The following USH2A variants were observed in gnomAD, a reference collection of about 807,000 sequenced individuals.
USH2A encodes the protein usherin.
Under a neutral mutation model 538.9 loss-of-function variants are expected in USH2A, and 443 were observed. The ratio of observed to expected loss-of-function variants is 0.82; its 90% confidence interval spans 0.76 to 0.89. The LOEUF (loss-of-function observed/expected upper bound fraction) is 0.89, where lower values mean the gene tolerates loss of function less well. USH2A is among the 40% of genes least tolerant of loss of function. USH2A has a pLI of 0.00. For missense variants in USH2A, 6,633 were observed against 6,324.8 expected (o/e 1.05, Z -1.65); for synonymous variants, 2,413 against 2,273.5 (o/e 1.06, Z -1.75).
In USH2A at chr1:215,786,829, T is replaced by C; in HGVS notation, c.10228A>G (p.Thr3410Ala). 4 of 1,613,938 alleles carry C rather than the reference T, an allele frequency of 2.5e-6. No homozygotes were observed. The highest frequency in any genetic ancestry group is 3.4e-6 in the Non-Finnish European group (4 of 1,179,914). The part of the protein sequence containing the change: ...RILCPASMEA[T>A]EHCGRCDFNF... Reference sequence around the variant, plus strand: ...AAGTCACACCTGCCACAATGTTCTGTGGCTTCCATAGATGCTGGGCAGAGG... The same window carrying C: ...AAGTCACACCTGCCACAATGTTCTGCGGCTTCCATAGATGCTGGGCAGAGG... Residue 3410 changes from threonine (T) to alanine (A), a missense_variant, in exon 52 of 72, where the codon ACA (threonine) becomes GCA (alanine). Physicochemically the swap from Thr to Ala is moderately conservative, Grantham distance 58. Transcript: ENST00000307340.
At chr1:216,015,645 G>A (rs980802560) in intron 32 of USH2A, among the ~76,000 whole-genome samples, 1 of 152,164 alleles carries the variant, frequency 6.6e-6, no homozygotes, top group Non-Finnish European at 1.5e-5. Context: ...CAGTGTAAAA[G>A]CATTCCTATT....
intron 46 of USH2A, among the ~76,000 whole-genome samples, chr1:215,842,491 A>T (rs1293986229): frequency 1.3e-5 from 2 of 152,244 alleles, no homozygotes; most frequent in Non-Finnish European, 2.9e-5. Flanking sequence ...TCATTCTATT[A>T]TAAAGATACA....
Position 216,243,180 on chromosome 1 carries a change from A to G in USH2A, c.2809+3405T>C, listed in dbSNP as rs115052115. Among the ~76,000 whole-genome samples, 360 of 152,332 alleles carry G rather than the reference A, an allele frequency of 2.4e-3. 1 individual carries two copies. Among genetic ancestry groups the G allele is most frequent in the African/African-American group, 8.0e-3 (331 of 41,594 alleles). On this transcript the variant is annotated intron_variant, in intron 13 of 71. Coordinates refer to ENST00000307340, the MANE Select transcript of USH2A (RefSeq NM_206933.4). ...GAGTGACTAGAATAGCAGTGAGTCTATAAGGCAAAGCATGTAAGAAACAGT... is the reference window on the plus strand; with the variant it reads ...GAGTGACTAGAATAGCAGTGAGTCTGTAAGGCAAAGCATGTAAGAAACAGT...
intron 47 of USH2A, among the ~76,000 whole-genome samples, chr1:215,828,559 T>C (rs1293598261): frequency 6.6e-6 from 1 of 152,234 alleles, no homozygotes; most frequent in Admixed American, 6.5e-5. Context: ...GCAAAGTTTG[T>C]GTATAAGAAT....
intron 40 of USH2A, among the ~76,000 whole-genome samples, chr1:215,895,137 A>T (rs965543579): frequency 6.6e-6 from 1 of 152,140 alleles, no homozygotes; most frequent in Admixed American, 6.5e-5. Context: ...TGCAACTTTC[A>T]TATCTCTTTT....
intron 58 of USH2A, among the ~76,000 whole-genome samples, chr1:215,744,216 C>A (rs1195418334): frequency 1.3e-5 from 2 of 152,182 alleles, no homozygotes. Flanking sequence ...ATTCCCAGTG[C>A]ATTAATTATT....
At chr1:216,391,608 C>T (rs1392821826) in intron 3 of USH2A, among the ~76,000 whole-genome samples, 1 of 152,114 alleles carries the variant, frequency 6.6e-6, no homozygotes, top group Non-Finnish European at 1.5e-5. Context: ...CCTAGTACAT[C>T]TTAATAAATA....
At chr1:215,656,505 A>G (rs764100171) in intron 64 of USH2A, among the ~76,000 whole-genome samples, 30 of 152,364 alleles carry the variant, frequency 2.0e-4, no homozygotes, top group Non-Finnish European at 3.8e-4. Context: ...AAATTGTAAT[A>G]CAGGAGTAAC....
chr1:215,977,100 C>T (rs557349820), intron 35 of USH2A, among the ~76,000 whole-genome samples: 1 of 151,528 alleles, frequency 6.6e-6, no homozygotes, highest in Non-Finnish European at 1.5e-5. Flanking sequence ...TCTATGTACA[C>T]AAACTAGAAA....
intron 61 of USH2A, among the ~76,000 whole-genome samples, chr1:215,706,089 C>G (rs145384303): frequency 9.9e-5 from 15 of 152,140 alleles, no homozygotes; most frequent in Non-Finnish European, 2.2e-4. Context: ...AAAAGAGAGT[C>G]GAAGCACATT....
intron 19 of USH2A, among the ~76,000 whole-genome samples, chr1:216,193,280 C>T (rs2034760094): frequency 6.6e-6 from 1 of 152,082 alleles, no homozygotes; most frequent in Non-Finnish European, 1.5e-5. Context: ...GATCGGTAGA[C>T]TAACCTGTTT....
In USH2A at chr1:216,327,606, A is replaced by G. The variant is rs938298800; in HGVS notation, c.833T>C (p.Val278Ala). The change falls in exon 5 of 72, where the codon GTG becomes GCG. Residue 278 changes from valine (V) to alanine (A), a missense_variant. Coordinates refer to ENST00000307340, the MANE Select transcript of USH2A (RefSeq NM_206933.4). ...GRMQDFRLYQ[V>A]ALTNREILEV... ...ATCTGCTTACCTGTTTGTAAGTGCC[A>G]CTTGGTATAATCGAAAATCTTGCAT... 6.2e-6 allele frequency: 10 copies of G among 1,613,240 alleles called. No individual in the cohort carries two copies. The highest frequency in any genetic ancestry group is 8.5e-6 in the Non-Finnish European group (10 of 1,179,476).
rs1007389181 is a variant in USH2A at position 215,625,595 on chromosome 1, G to A, written c.*186C>T. On this transcript the variant is annotated 3_prime_UTR_variant, in exon 72 of 72. Coordinates refer to ENST00000307340, the MANE Select transcript of USH2A (RefSeq NM_206933.4). Reference sequence around the variant, plus strand: ...ATGAATATTCTCTCTCATTTAAGATGAGAAAAATATCATTTCTTAGACCTC... The same window carrying A: ...ATGAATATTCTCTCTCATTTAAGATAAGAAAAATATCATTTCTTAGACCTC... 7.9e-6 allele frequency: 5 copies of A among 636,300 alleles called. No homozygotes were observed. Among genetic ancestry groups the A allele is most frequent in the African/African-American group, 7.4e-5 (4 of 54,408 alleles). 39.4% of individuals were successfully genotyped at this position (636,300 alleles called of 1,614,324 possible). A position where few individuals can be genotyped will look rare whatever the true frequency, so the allele number is the denominator to read the frequency against.
chr1:216,392,449 G>A (rs1036225512), intron 3 of USH2A, among the ~76,000 whole-genome samples: 4 of 132,602 alleles, frequency 3.0e-5, no homozygotes, highest in Non-Finnish European at 6.1e-5. Context: ...CTGAGATCGT[G>A]CCACTGCACT....
intron 55 of USH2A, among the ~76,000 whole-genome samples, chr1:215,772,053 A>C (rs1363722358): frequency 6.6e-6 from 1 of 152,232 alleles, no homozygotes; most frequent in African/African-American, 2.4e-5. Context: ...ATGACCTTTC[A>C]TATATACGAC....
At chr1:216,039,305 T>A in intron 32 of USH2A, among the ~76,000 whole-genome samples, 1 of 152,030 alleles carries the variant, frequency 6.6e-6, no homozygotes, top group Non-Finnish European at 1.5e-5. Flanking sequence ...AGGCTCTACT[T>A]ATTGCATAGC....
intron 43 of USH2A, among the ~76,000 whole-genome samples, chr1:215,870,929 TATCA>T (rs1467872094): frequency 1.3e-5 from 2 of 152,170 alleles, no homozygotes; most frequent in Non-Finnish European, 2.9e-5. Context: ...AACTTATGTG[TATCA>T]ATCAATTTCT....
Position 216,093,488 on chromosome 1 carries a change from G to A in USH2A, c.4758+3595C>T, listed in dbSNP as rs1035361535. Reference sequence around the variant, plus strand: ...CCACGCTTTGCACCAGCCTGTCCAGGTGATCACCGTAAAGGATATGAAAAC... The same window carrying A: ...CCACGCTTTGCACCAGCCTGTCCAGATGATCACCGTAAAGGATATGAAAAC... On this transcript the variant is annotated intron_variant, in intron 22 of 71. Coordinates refer to ENST00000307340, the MANE Select transcript of USH2A (RefSeq NM_206933.4). 1.3e-5 allele frequency among the ~76,000 whole-genome samples: 2 copies of A among 152,128 alleles called. 1 individual carries two copies. Among genetic ancestry groups the A allele is most frequent in the South Asian group, 4.1e-4 (2 of 4,822 alleles).
chr1:216,022,365 A>T (rs1057404638), intron 32 of USH2A, among the ~76,000 whole-genome samples: 5 of 152,112 alleles, frequency 3.3e-5, no homozygotes, highest in African/African-American at 1.2e-4. Context: ...TAACTCAGAT[A>T]TCTCTGAACA....
Sources: allele counts gnomAD v4.1 joint callset (sites outside exome capture counted in the v4.1 genomes callset), GRCh38; gene constraint gnomAD v4.1.1; transcripts MANE v1.5; gene names NCBI Gene and HGNC (gene_info 2026-07-23, HGNC 2026-07-21).